The following JPH3 variants were observed in gnomAD, a reference collection of about 807,000 sequenced individuals.
JPH3 encodes the protein junctophilin 3, also known as junctophilin-3.
A neutral mutation model predicts 59.6 loss-of-function variants in JPH3; 11 were observed. The ratio of observed to expected loss-of-function variants is 0.18; its 90% CI spans 0.12 to 0.31. The LOEUF (loss-of-function observed/expected upper bound fraction) is 0.31, where lower values mean the gene tolerates loss of function less well. JPH3 is among the 10% of genes least tolerant of loss of function. JPH3 has a pLI of 1.00. For synonymous variants in JPH3, 673 were observed against 483.6 expected (o/e 1.39, Z -5.14); for missense variants, 1,202 against 1,105.7 (o/e 1.09, Z -1.24).
At chr16:87,624,739 G>A (rs1377737851) in intron 1 of JPH3, among the ~76,000 whole-genome samples, 1 of 152,174 alleles carries the variant, frequency 6.6e-6, no homozygotes, top group Non-Finnish European at 1.5e-5. Flanking sequence ...GTCGCTCTGG[G>A]CCCAACTCTC....
chr16:87,655,188 C>T (rs1198889182), intron 2 of JPH3, among the ~76,000 whole-genome samples: 2 of 152,348 alleles, frequency 1.3e-5, no homozygotes, highest in South Asian at 2.1e-4. Flanking sequence ...TGTGGGCTTC[C>T]TGGGCCTTCC....
intron 2 of JPH3, among the ~76,000 whole-genome samples, chr16:87,677,638 G>A (rs901407936): frequency 2.0e-5 from 3 of 152,162 alleles, no homozygotes; most frequent in East Asian, 1.9e-4. Flanking sequence ...CGTGGCCCCC[G>A]TCATACCTTC....
At chr16:87,688,765 G>C (rs1195755517) in intron 3 of JPH3, among the ~76,000 whole-genome samples, 1 of 152,188 alleles carries the variant, frequency 6.6e-6, no homozygotes, top group African/African-American at 2.4e-5. Flanking sequence ...AGATGAACGT[G>C]TAACTGTTCC....
intron 3 of JPH3, among the ~76,000 whole-genome samples, chr16:87,686,926 C>G (rs1040032541): frequency 1.3e-5 from 2 of 152,238 alleles, no homozygotes; most frequent in African/African-American, 2.4e-5. Flanking sequence ...GGCCTCACCT[C>G]CTGCTGCTGC....
At chr16:87,625,754 G>A (rs1181046641) in intron 1 of JPH3, among the ~76,000 whole-genome samples, 2 of 152,208 alleles carry the variant, frequency 1.3e-5, no homozygotes, top group South Asian at 4.1e-4. Context: ...GTGACCCAGG[G>A]CTAGCAAAGG....
chr16:87,692,215 C>CCCCGTCTCCCTCCCCGTCTCCCTT (rs2033607587), intron 4 of JPH3, among the ~76,000 whole-genome samples: 1 of 129,178 alleles, frequency 7.7e-6, no homozygotes, highest in African/African-American at 2.5e-5. Flanking sequence ...CTGTCTCCCT[C>CCCCGTCTCCCTCCCCGTCTCCCTT]CCCGTCTCCC....
intron 2 of JPH3, among the ~76,000 whole-genome samples, chr16:87,649,717 G>C (rs1206953316): frequency 1.3e-5 from 2 of 152,188 alleles, no homozygotes; most frequent in African/African-American, 4.8e-5. Context: ...GCAGATTGTA[G>C]CCCGTTTCTC....
At chr16:87,649,827 G>A (rs574158661) in intron 2 of JPH3, among the ~76,000 whole-genome samples, 1 of 152,208 alleles carries the variant, frequency 6.6e-6, no homozygotes, top group African/African-American at 2.4e-5. Flanking sequence ...TCTGCTGCGG[G>A]AGAGGGAGAG....
At position 87,691,334 on chromosome 16, in the gene JPH3, C is replaced by T. The variant is rs142118159; in HGVS notation, c.2166+808C>T. On this transcript the variant is annotated intron_variant, in intron 4 of 4. Coordinates refer to ENST00000284262, the MANE Select transcript of JPH3 (RefSeq NM_020655.4). The stretch of plus-strand genomic sequence containing the variant: ...GGAATGAAGGGCTGTGGGACGGTGG[C>T]TACATAGGATCTGCGCACGGCCAGG... Among the ~76,000 whole-genome samples the T allele has an allele frequency of 8.5e-5, 13 of 152,288 alleles. 1 individual carries two copies. In the East Asian group the frequency reaches 2.5e-3, roughly 29 times the overall value.
At chr16:87,618,142 C>T (rs549758449) in intron 1 of JPH3, among the ~76,000 whole-genome samples, 14 of 151,678 alleles carry the variant, frequency 9.2e-5, no homozygotes, top group Non-Finnish European at 1.6e-4. Flanking sequence ...CTAGCCTGGG[C>T]GACATAATGA....
intron 1 of JPH3, among the ~76,000 whole-genome samples, chr16:87,623,277 A>C (rs545822438): frequency 6.6e-6 from 1 of 152,186 alleles, no homozygotes; most frequent in Non-Finnish European, 1.5e-5. Context: ...GTATCCATAG[A>C]GGGCTGCAGG....
intron 1 of JPH3, among the ~76,000 whole-genome samples, chr16:87,615,908 G>A (rs2150825631): frequency 6.6e-6 from 1 of 152,312 alleles, no homozygotes; most frequent in African/African-American, 2.4e-5. Flanking sequence ...ATGGCTGGAT[G>A]GGTCAATGAG....
chr16:87,657,997 C>T (rs986207275), intron 2 of JPH3, among the ~76,000 whole-genome samples: 3 of 152,166 alleles, frequency 2.0e-5, no homozygotes, highest in Admixed American at 6.5e-5. Context: ...ATAAATGTCC[C>T]CTCTGCAGCA....
intron 2 of JPH3, among the ~76,000 whole-genome samples, chr16:87,648,880 G>C (rs2150849049): frequency 6.6e-6 from 1 of 152,350 alleles, no homozygotes; most frequent in East Asian, 1.9e-4. Flanking sequence ...GGGGGCCCCA[G>C]CACCTGCATG....
At chr16:87,638,888 A>C in intron 1 of JPH3, among the ~76,000 whole-genome samples, 1 of 151,966 alleles carries the variant, frequency 6.6e-6, no homozygotes, top group East Asian at 1.9e-4. Context: ...TCTGCCTACG[A>C]ATCTCTCAGG....
intron 2 of JPH3, among the ~76,000 whole-genome samples, chr16:87,676,162 C>T (rs1375783100): frequency 3.3e-5 from 5 of 152,178 alleles, no homozygotes; most frequent in Non-Finnish European, 7.3e-5. Flanking sequence ...GAACGTGTGG[C>T]CATGGAAATG....
At chr16:87,673,417 T>G (rs939253006) in intron 2 of JPH3, among the ~76,000 whole-genome samples, 31 of 151,932 alleles carry the variant, frequency 2.0e-4, no homozygotes, top group African/African-American at 7.3e-4. Flanking sequence ...GGAGAGAAAA[T>G]TGTGAATCTC....
intron 1 of JPH3, among the ~76,000 whole-genome samples, chr16:87,640,165 AAAAAC>A (rs1416801572): frequency 6.6e-6 from 1 of 151,956 alleles, no homozygotes; most frequent in African/African-American, 2.4e-5. Context: ...TGTCTCTACT[AAAAAC>A]AGAAAAAAAT....
chr16:87,681,088 G>T (rs1291428473), intron 2 of JPH3, among the ~76,000 whole-genome samples: 2 of 152,210 alleles, frequency 1.3e-5, no homozygotes, highest in African/African-American at 2.4e-5. Flanking sequence ...CCCATCGCAG[G>T]AGTCAGGTGC....
Sources: allele counts gnomAD v4.1 joint callset (sites outside exome capture counted in the v4.1 genomes callset), GRCh38; gene constraint gnomAD v4.1.1; transcripts MANE v1.5; gene names NCBI Gene and HGNC (gene_info 2026-07-23, HGNC 2026-07-21).